The following FHOD3 variants were observed in gnomAD, a reference collection of about 807,000 sequenced individuals.
FHOD3 encodes FH1/FH2 domain-containing protein 3.
Under a neutral mutation model 173.0 loss-of-function variants are expected in FHOD3, and 90 were observed. The observed-to-expected ratio is 0.52, with a 90% CI of 0.44 to 0.62. FHOD3 has a LOEUF of 0.62. Ranked by LOEUF, FHOD3 falls within the 20% of genes least tolerant of loss-of-function variation. FHOD3 has a pLI of 0.00. For synonymous variants in FHOD3, 828 were observed against 823.0 expected, an observed-to-expected ratio of 1.01 and a Z score of -0.10; for missense variants, 1,945 against 2,034.7, an observed-to-expected ratio of 0.96 and a Z score of 0.85.
At chr18:36,675,962 CAAAG>C (rs1156812510) in intron 14 of FHOD3, among the ~76,000 whole-genome samples, 1 of 152,048 alleles carries the variant, frequency 6.6e-6, no homozygotes, top group East Asian at 1.9e-4. Flanking sequence ...CTTGGGGTTT[CAAAG>C]ATATTTGATA....
intron 1 of FHOD3, among the ~76,000 whole-genome samples, chr18:36,325,001 G>A (rs1310901761): frequency 3.3e-4 from 50 of 152,184 alleles, no homozygotes; most frequent in Non-Finnish European, 2.4e-4. Context: ...GAAAATGAAT[G>A]TATGGTTATA....
rs375328772 is a variant in FHOD3, at chr18:36,693,234, G to T, written c.2047G>T (p.Ala683Ser). 9 of 1,613,596 alleles carry T rather than the reference G, an allele frequency of 5.6e-6. No individual in the cohort carries two copies. In the African/African-American group the frequency reaches 1.1e-4, roughly 19 times the overall value. ...ATACAAATACTTGGAACAGTTGGCA[G>T]CTGAGGAGCACGAGAAGGAGCTGAG... ...ERYKYLEQLAAEEHEKELRSR... is the reference protein window; with the variant it reads ...ERYKYLEQLASEEHEKELRSR... Residue 683 changes from alanine (A) to serine (S), a missense_variant, in exon 17 of 29, where the codon GCT (alanine) becomes TCT (serine). Transcript: ENST00000590592.
At chr18:36,650,445 A>C (rs551771328) in intron 11 of FHOD3, among the ~76,000 whole-genome samples, 39 of 152,200 alleles carry the variant, frequency 2.6e-4, no homozygotes, top group African/African-American at 8.9e-4. Context: ...CTATTTGGAA[A>C]TGACTGAGAA....
At chr18:36,552,156 G>A (rs370306753) in intron 5 of FHOD3, among the ~76,000 whole-genome samples, 2 of 152,104 alleles carry the variant, frequency 1.3e-5, no homozygotes, top group Non-Finnish European at 2.9e-5. Context: ...ATTTGTTTGT[G>A]TCCTCTTTTA....
intron 2 of FHOD3, among the ~76,000 whole-genome samples, chr18:36,369,436 T>C: frequency 7.4e-6 from 1 of 135,416 alleles, no homozygotes; most frequent in East Asian, 2.3e-4. Flanking sequence ...TTTTATTTTA[T>C]TTAAACACAC....
At chr18:36,414,210 A>G (rs1197374356) in intron 3 of FHOD3, among the ~76,000 whole-genome samples, 2 of 152,212 alleles carry the variant, frequency 1.3e-5, no homozygotes, top group Non-Finnish European at 1.5e-5. Flanking sequence ...CAAGCACAGG[A>G]GTAGCTGCAT....
Position 36,713,810 on chromosome 18 carries a change from A to G in FHOD3, c.2534-4022A>G, listed in dbSNP as rs575192634. ...AAAATTTGTTAAAGTAAAAAAAAGTATTCAAGTAACCCATAGAAGACAAAG... is the reference window on the plus strand; with the variant it reads ...AAAATTTGTTAAAGTAAAAAAAAGTGTTCAAGTAACCCATAGAAGACAAAG... On this transcript the variant is annotated intron_variant, in intron 18 of 28. Coordinates refer to ENST00000590592, the MANE Select transcript of FHOD3 (RefSeq NM_001281740.3). Among the ~76,000 whole-genome samples, 57 of 152,330 alleles carry G rather than the reference A, an allele frequency of 3.7e-4. 2 individuals carry two copies. The South Asian group carries it at 0.012, about 32-fold the overall frequency.
chr18:36,634,975 G>GT (rs1351674809), intron 10 of FHOD3, among the ~76,000 whole-genome samples: 2 of 152,174 alleles, frequency 1.3e-5, no homozygotes, highest in African/African-American at 4.8e-5. Flanking sequence ...TTATCTGATG[G>GT]TAAGTGACTT....
chr18:36,597,567 C>T (rs1445201251), intron 7 of FHOD3, among the ~76,000 whole-genome samples: 1 of 152,132 alleles, frequency 6.6e-6, no homozygotes, highest in Admixed American at 6.5e-5. Context: ...GTTGGGACTA[C>T]AGGTGCCCAC....
At chr18:36,520,617 A>C (rs12961352) in intron 5 of FHOD3, among the ~76,000 whole-genome samples, 20,133 of 152,232 alleles carry the variant, frequency 0.13, 1,805 homozygotes, top group East Asian at 0.48. Context: ...TTGCAAACCA[A>C]AAAAAGCCCT....
chr18:36,664,558 T>C (rs756482583), intron 14 of FHOD3, among the ~76,000 whole-genome samples: 1 of 152,126 alleles, frequency 6.6e-6, no homozygotes, highest in African/African-American at 2.4e-5. Flanking sequence ...ACAAAGTGAC[T>C]GTGGGCCCTA....
intron 8 of FHOD3, among the ~76,000 whole-genome samples, chr18:36,606,594 C>T (rs770667477): frequency 2.6e-5 from 4 of 152,180 alleles, no homozygotes; most frequent in Non-Finnish European, 5.9e-5. Context: ...AAGATATATC[C>T]ATTCCATCCC....
intron 11 of FHOD3, among the ~76,000 whole-genome samples, chr18:36,651,230 A>G (rs1381315316): frequency 2.6e-5 from 4 of 152,064 alleles, no homozygotes; most frequent in African/African-American, 9.7e-5. Context: ...GCCCTTATGT[A>G]CAAGCAGAGC....
chr18:36,448,905 C>A (rs1011594580), intron 3 of FHOD3, among the ~76,000 whole-genome samples: 5 of 151,784 alleles, frequency 3.3e-5, no homozygotes, highest in East Asian at 1.9e-4. Flanking sequence ...AAACATGCAG[C>A]CTCTGTCCTC....
chr18:36,716,718 A>G (rs80349323), intron 18 of FHOD3, among the ~76,000 whole-genome samples: 1 of 152,204 alleles, frequency 6.6e-6, no homozygotes, highest in African/African-American at 2.4e-5. Flanking sequence ...ACCTGAAAGC[A>G]GCAGCTGAGA....
At chr18:36,580,752 C>T (rs2058820799) in intron 6 of FHOD3, among the ~76,000 whole-genome samples, 1 of 152,206 alleles carries the variant, frequency 6.6e-6, no homozygotes, top group Non-Finnish European at 1.5e-5. Context: ...AGAAGGAGGC[C>T]TCAGTCTCCT....
At chr18:36,494,757 C>A (rs1418228090) in intron 3 of FHOD3, among the ~76,000 whole-genome samples, 1 of 152,310 alleles carries the variant, frequency 6.6e-6, no homozygotes, top group African/African-American at 2.4e-5. Context: ...TCCCACCTGG[C>A]AGTCCCAGAG....
At chr18:36,735,894 T>A (rs2041604880) in intron 20 of FHOD3, among the ~76,000 whole-genome samples, 1 of 152,224 alleles carries the variant, frequency 6.6e-6, no homozygotes, top group Non-Finnish European at 1.5e-5. Context: ...CCAATAGTAT[T>A]GGCGTCTATT....
intron 2 of FHOD3, among the ~76,000 whole-genome samples, chr18:36,370,901 A>G (rs556607496): frequency 2.6e-5 from 4 of 152,328 alleles, no homozygotes; most frequent in Admixed American, 1.3e-4. Context: ...AAAGCTGTCT[A>G]TAATTCAATT....
Sources: gnomAD v4.1 joint callset for allele counts (sites outside exome capture counted in the v4.1 genomes callset) on GRCh38, gnomAD v4.1.1 for gene constraint, MANE v1.5 for transcripts, NCBI Gene and HGNC (gene_info 2026-07-23, HGNC 2026-07-21) for gene names.